The following CPEB3 variants were observed in gnomAD, a reference collection of about 807,000 sequenced individuals.
CPEB3 encodes the protein cytoplasmic polyadenylation element-binding protein 3.
CPEB3 carries 20 observed loss-of-function variants against 67.2 expected under a neutral mutation model. That is an observed-to-expected ratio of 0.30 (90% CI 0.21 to 0.43). The LOEUF is 0.43. Ranked by LOEUF, CPEB3 falls within the 20% of genes least tolerant of loss-of-function variation. The pLI, the probability that CPEB3 is intolerant of heterozygous loss-of-function variation, is 1.00. For synonymous variants in CPEB3, 376 were observed against 393.1 expected, an observed-to-expected ratio of 0.96 and a Z score of 0.51; for missense variants, 746 against 968.6, an observed-to-expected ratio of 0.77 and a Z score of 3.05.
At chr10:92,146,936 G>A (rs1428539523) in intron 4 of CPEB3, among the ~76,000 whole-genome samples, 2 of 152,164 alleles carry the variant, frequency 1.3e-5, no homozygotes, top group Non-Finnish European at 2.9e-5. Context: ...TTATTCCATA[G>A]CCCACACTCA....
chr10:92,067,813 C>T (rs1299636536), intron 9 of CPEB3, among the ~76,000 whole-genome samples: 1 of 152,128 alleles, frequency 6.6e-6, no homozygotes, highest in Non-Finnish European at 1.5e-5. Flanking sequence ...AGCAAAACTC[C>T]ATCTCGAAAA....
Position 92,103,971 on chromosome 10 carries a change from A to T in CPEB3, c.1572+7105T>A, listed in dbSNP as rs139356283. Reference sequence around the variant, plus strand: ...GGTTACCTAAGTTTTTCCTGGGAAGATGCCTATTCTTTGAATGAGCTTCAT... The same window carrying T: ...GGTTACCTAAGTTTTTCCTGGGAAGTTGCCTATTCTTTGAATGAGCTTCAT... On this transcript the variant is annotated intron_variant, in intron 7 of 9. Transcript: ENST00000265997. Among the ~76,000 whole-genome samples, 7 of 152,352 alleles carry T rather than the reference A, an allele frequency of 4.6e-5. No individual in the cohort carries two copies. In the East Asian group the frequency reaches 1.2e-3, roughly 25 times the overall value.
intron 6 of CPEB3, among the ~76,000 whole-genome samples, chr10:92,111,812 T>C (rs879485400): frequency 1.3e-5 from 2 of 152,200 alleles, no homozygotes; most frequent in Admixed American, 1.3e-4. Flanking sequence ...TTGTATGGTA[T>C]GTGAATGATA....
chr10:92,119,701 G>A (rs542849586), intron 6 of CPEB3, among the ~76,000 whole-genome samples: 98 of 152,260 alleles, frequency 6.4e-4, no homozygotes, highest in African/African-American at 2.2e-3. Flanking sequence ...GAGATAAAGA[G>A]GGCTAGTTAG....
At position 92,089,294 on chromosome 10, in the gene CPEB3, A is replaced by T. The variant is rs571474726; in HGVS notation, c.1687+2536T>A. Among the ~76,000 whole-genome samples the T allele has an allele frequency of 1.8e-3, 277 of 152,312 alleles. 1 individual carries two copies. Among genetic ancestry groups the T allele is most frequent in the African/African-American group, 6.5e-3 (269 of 41,570 alleles). ...TTTTGTCTTGATAACATGGCCCTCT[A>T]AACTAGAAGTCTTGGGATGAATGGT... On this transcript the variant is annotated intron_variant, in intron 8 of 9. Coordinates refer to ENST00000265997, the MANE Select transcript of CPEB3 (RefSeq NM_014912.5).
intron 1 of CPEB3, among the ~76,000 whole-genome samples, chr10:92,282,655 A>G (rs1340455932): frequency 6.6e-6 from 1 of 152,164 alleles, no homozygotes; most frequent in Non-Finnish European, 1.5e-5. Context: ...ACTGTACTCC[A>G]GCCTGGGTGA....
At chr10:92,200,246 T>A (rs1849453332) in intron 2 of CPEB3, among the ~76,000 whole-genome samples, 1 of 152,208 alleles carries the variant, frequency 6.6e-6, no homozygotes, top group Admixed American at 6.5e-5. Flanking sequence ...TAGCCCAGTA[T>A]AAGATTAGGG....
chr10:92,226,982 G>A (rs924899738), intron 2 of CPEB3, among the ~76,000 whole-genome samples: 2 of 152,156 alleles, frequency 1.3e-5, no homozygotes, highest in African/African-American at 4.8e-5. Context: ...ATCTGTATAT[G>A]GTATATGCAC....
chr10:92,216,769 G>T, intron 2 of CPEB3: 1 of 1,610,090 alleles, frequency 6.2e-7, no homozygotes, highest in Non-Finnish European at 8.5e-7. Context: ...TGGAGGAGGT[G>T]CAGTCCCTGC....
chr10:92,203,077 G>A (rs901575875), intron 2 of CPEB3, among the ~76,000 whole-genome samples: 2 of 151,068 alleles, frequency 1.3e-5, no homozygotes, highest in African/African-American at 4.8e-5. Context: ...CAGTAGCTGG[G>A]ATTACAGGCA....
intron 9 of CPEB3, among the ~76,000 whole-genome samples, chr10:92,065,648 C>G (rs1290906502): frequency 1.3e-5 from 2 of 152,130 alleles, no homozygotes; most frequent in Non-Finnish European, 2.9e-5. Flanking sequence ...TCTAAGGGAA[C>G]ATAGCACCTC....
intron 2 of CPEB3, among the ~76,000 whole-genome samples, chr10:92,202,864 G>A (rs529954290): frequency 2.0e-4 from 31 of 151,462 alleles, no homozygotes; most frequent in African/African-American, 7.0e-4. Flanking sequence ...TTTTAAGAGT[G>A]AACTTCATGA....
intron 6 of CPEB3, 136 bp downstream of exon 6, chr10:92,142,893 T>C: frequency 5.4e-6 from 3 of 560,596 alleles, no homozygotes; most frequent in African/African-American, 1.9e-5. Flanking sequence ...CACAAAAGGA[T>C]GATCAACATT....
At chr10:92,131,105 G>C (rs1845824712) in intron 6 of CPEB3, among the ~76,000 whole-genome samples, 1 of 152,186 alleles carries the variant, frequency 6.6e-6, no homozygotes, top group Non-Finnish European at 1.5e-5. Context: ...GGAGCCAATA[G>C]TCTAATAATT....
At chr10:92,283,087 C>T (rs1842368500) in intron 1 of CPEB3, among the ~76,000 whole-genome samples, 1 of 152,018 alleles carries the variant, frequency 6.6e-6, no homozygotes, top group Admixed American at 6.6e-5. Context: ...CCTGTCTCTA[C>T]AAAAAATACA....
rs559389636 is a variant in CPEB3 at position 92,260,217 on chromosome 10, T to C, written c.-11-19856A>G. Among the ~76,000 whole-genome samples the C allele has an allele frequency of 4.6e-5, 7 of 152,308 alleles. No individual in the cohort carries two copies. The South Asian group carries it at 8.3e-4, about 18-fold the overall frequency. ...TCTAACCAAATAATTCTGAATATCA[T>C]TGATGGGCAAGACCCAGTCTTACTG... On this transcript the variant is annotated intron_variant, in intron 1 of 9. Transcript: ENST00000265997.
chr10:92,070,619 A>G (rs1046877740), intron 9 of CPEB3, among the ~76,000 whole-genome samples: 3 of 152,036 alleles, frequency 2.0e-5, no homozygotes, highest in African/African-American at 7.2e-5. Context: ...TCCATTAAAA[A>G]TACAAAAATT....
At chr10:92,246,618 C>T (rs1852080804) in intron 1 of CPEB3, among the ~76,000 whole-genome samples, 1 of 151,676 alleles carries the variant, frequency 6.6e-6, no homozygotes. Flanking sequence ...AAGCGATTCT[C>T]CTGCCTCAGC....
At chr10:92,240,483 A>G in intron 1 of CPEB3, 122 bp from the exon 2 acceptor site, 1 of 932,184 alleles carries the variant, frequency 1.1e-6, no homozygotes, top group Non-Finnish European at 1.5e-6. Context: ...ATTGCAATGC[A>G]AATCCATAAT....
Sources: gnomAD v4.1 joint callset for allele counts (sites outside exome capture counted in the v4.1 genomes callset) on GRCh38, gnomAD v4.1.1 for gene constraint, MANE v1.5 for transcripts, NCBI Gene and HGNC (gene_info 2026-07-23, HGNC 2026-07-21) for gene names.